The following GRAMD2A variants were observed in gnomAD, a reference collection of about 807,000 sequenced individuals.
GRAMD2A encodes the protein GRAM domain containing 2A.
GRAMD2A carries 37 observed loss-of-function variants against 51.1 expected under a neutral mutation model. The observed-to-expected ratio is 0.72, with a 90% CI of 0.56 to 0.95. The LOEUF (loss-of-function observed/expected upper bound fraction) is 0.95, where lower values mean the gene tolerates loss of function less well. Among genes scored for constraint, GRAMD2A ranks in the 40% least tolerant of loss-of-function variants. The pLI is 0.00. For synonymous variants in GRAMD2A, 136 were observed against 157.1 expected (o/e 0.87, Z 1.01); for missense variants, 414 against 426.9 (o/e 0.97, Z 0.27).
chr15:72,169,692 C>T (rs1377063988), intron 2 of GRAMD2A, 155 bp downstream of exon 2: 65 of 696,960 alleles, frequency 9.3e-5, no homozygotes, highest in South Asian at 4.0e-4. Context: ...TCTTGAGGGG[C>T]GGGAGGAAGA....
rs758961232 is a variant in GRAMD2A at position 72,169,826 on chromosome 15, G to T, written c.134+21C>A. On this transcript the variant is annotated intron_variant, in intron 2 of 11. Transcript: ENST00000309731. ...CACCCTCTAGTCTGTGTGTATCTAT[G>T]ACTGGGAAAGGGGTCCTCACCTGTA... is the stretch of plus-strand genomic sequence containing the variant. 15 of 1,586,510 alleles carry T rather than the reference G, an allele frequency of 9.5e-6. No individual in the cohort carries two copies. In the Admixed American group the frequency reaches 2.2e-4, roughly 23 times the overall value.
intron 1 of GRAMD2A, among the ~76,000 whole-genome samples, chr15:72,185,858 A>T (rs1205452425): frequency 1.3e-5 from 2 of 152,278 alleles, no homozygotes; most frequent in Non-Finnish European, 2.9e-5. Flanking sequence ...ATTCACAAAA[A>T]GATAACCCAG....
At chr15:72,171,267 T>C in intron 1 of GRAMD2A, among the ~76,000 whole-genome samples, 1 of 152,140 alleles carries the variant, frequency 6.6e-6, no homozygotes, top group African/African-American at 2.4e-5. Flanking sequence ...GGTTCCATCA[T>C]GTCACATTTC....
intron 1 of GRAMD2A, among the ~76,000 whole-genome samples, chr15:72,196,904 C>T (rs2081809037): frequency 6.6e-6 from 1 of 152,170 alleles, no homozygotes; most frequent in African/African-American, 2.4e-5. Context: ...CACATTCATC[C>T]TACCTGCCCC....
chr15:72,169,809 A>C, intron 2 of GRAMD2A, 38 bp downstream of exon 2: 1 of 1,514,684 alleles, frequency 6.6e-7, no homozygotes, highest in South Asian at 1.1e-5. Flanking sequence ...CCCACCCTCT[A>C]GTCTGTGTGT....
intron 3 of GRAMD2A, 110 bp downstream of exon 3, chr15:72,168,826 TCTC>T: frequency 1.1e-6 from 1 of 949,424 alleles, no homozygotes. Context: ...CACACTCAGG[TCTC>T]CTGATTTCCT....
At chr15:72,171,455 C>T (rs2081609497) in intron 1 of GRAMD2A, among the ~76,000 whole-genome samples, 1 of 152,176 alleles carries the variant, frequency 6.6e-6, no homozygotes, top group African/African-American at 2.4e-5. Flanking sequence ...ACTTCTGTGG[C>T]TTAACCTGAT....
At chr15:72,196,033 G>T (rs190648446) in intron 1 of GRAMD2A, among the ~76,000 whole-genome samples, 6 of 152,342 alleles carry the variant, frequency 3.9e-5, no homozygotes, top group African/African-American at 1.4e-4. Flanking sequence ...TTGGGAAGGA[G>T]AACTTCTATT....
At chr15:72,181,594 C>G (rs1461213352) in intron 1 of GRAMD2A, among the ~76,000 whole-genome samples, 1 of 152,044 alleles carries the variant, frequency 6.6e-6, no homozygotes. Flanking sequence ...ATATGTATTT[C>G]CAAATATAAT....
At chr15:72,169,791 G>A (rs915913808) in intron 2 of GRAMD2A, 56 bp downstream of exon 2, 38 of 1,437,380 alleles carry the variant, frequency 2.6e-5, no homozygotes, top group South Asian at 2.2e-4. Flanking sequence ...GTCACTTCCT[G>A]AGGGCTTCCC....
In GRAMD2A at chr15:72,197,740, T is replaced by C. The variant is rs1271940844; in HGVS notation, c.32A>G (p.Glu11Gly). Residue 11 changes from glutamate to glycine, a missense_variant, in exon 1 of 12, where the codon GAG becomes GGG. Coordinates refer to ENST00000309731, the MANE Select transcript of GRAMD2A (RefSeq NM_001012642.3). Reference sequence around the variant, plus strand: ...GGCCGCAACCCCTTACCCGCCCTCCTCGGTGGCCTCGCTCCGGCTTAAAGC... The same window carrying C: ...GGCCGCAACCCCTTACCCGCCCTCCCCGGTGGCCTCGCTCCGGCTTAAAGC... MTALSRSEAT[E>G]EGGNQQMHRK... is the part of the protein sequence containing the mutation. 2 of 1,329,114 alleles carry C rather than the reference T, an allele frequency of 1.5e-6. No individual in the cohort carries two copies. 82.3% of individuals were successfully genotyped at this position (1,329,114 alleles called of 1,614,324 possible).
chr15:72,175,197 C>T (rs2081644220), intron 1 of GRAMD2A, among the ~76,000 whole-genome samples: 1 of 152,110 alleles, frequency 6.6e-6, no homozygotes, highest in African/African-American at 2.4e-5. Flanking sequence ...CCCATAAAAC[C>T]ATCTCTTTTC....
chr15:72,169,999 G>T, intron 1 of GRAMD2A, 60 bp from the exon 2 acceptor site: 1 of 1,228,262 alleles, frequency 8.1e-7, no homozygotes, highest in Non-Finnish European at 1.2e-6. Context: ...TTCCCTAACA[G>T]CCCCACCATG....
chr15:72,163,357 C>A lies in GRAMD2A; in HGVS notation c.865G>T (p.Val289Phe). ...PNCSPTAKNAVYEEDELEEEP... is the reference protein window; with the variant it reads ...PNCSPTAKNAFYEEDELEEEP... ...TCCTCCAGCTCATCCTCCTCATAGA[C>A]AGCATTCTTTGCAGTGGGAGAGCAG... Residue 289 changes from valine to phenylalanine, a missense_variant, in exon 10 of 12, where the codon GTC (valine) becomes TTC (phenylalanine). By Grantham distance (50) the Val-to-Phe change is conservative. Coordinates refer to ENST00000309731, the MANE Select transcript of GRAMD2A (RefSeq NM_001012642.3). 6.2e-7 allele frequency: 1 copy of A among 1,614,152 alleles called. No individual in the cohort carries two copies. Among genetic ancestry groups the A allele is most frequent in the South Asian group, 1.1e-5 (1 of 91,086 alleles).
At chr15:72,182,343 C>G in intron 1 of GRAMD2A, among the ~76,000 whole-genome samples, 1 of 127,626 alleles carries the variant, frequency 7.8e-6, no homozygotes, top group South Asian at 2.4e-4. Flanking sequence ...CCAGCCTGGG[C>G]GACAGAGTGA....
chr15:72,197,649 G>T, intron 1 of GRAMD2A, 82 bp downstream of exon 1: 1 of 1,115,984 alleles, frequency 9.0e-7, no homozygotes, highest in Non-Finnish European at 1.1e-6. Flanking sequence ...GGCCCCAGGA[G>T]CCGTCCTGCC....
rs544856739 is a variant in GRAMD2A at position 72,174,873 on chromosome 15, G to A, written c.42-4934C>T. ...GGAGCCCAGATACACAGGAGTCTAG[G>A]GGCCTCGTGGTGCACCTGACACAGG... On this transcript the variant is annotated intron_variant, in intron 1 of 11. Coordinates refer to ENST00000309731, the MANE Select transcript of GRAMD2A (RefSeq NM_001012642.3). Among the ~76,000 whole-genome samples the A allele has an allele frequency of 1.2e-3, 187 of 152,090 alleles. 2 individuals are homozygous for A. Among genetic ancestry groups the A allele is most frequent in the Non-Finnish European group, 2.2e-3 (151 of 67,950 alleles).
chr15:72,164,278 C>T (rs12440204), intron 8 of GRAMD2A, among the ~76,000 whole-genome samples: 6,521 of 152,250 alleles, frequency 0.043, 250 homozygotes, highest in East Asian at 0.18. Context: ...CCATCCCTGC[C>T]CTAGAAACTC....
At chr15:72,181,437 G>A (rs565063551) in intron 1 of GRAMD2A, among the ~76,000 whole-genome samples, 4 of 152,310 alleles carry the variant, frequency 2.6e-5, no homozygotes, top group South Asian at 4.1e-4. Context: ...TGATACATAC[G>A]TGGGGATCCA....
Sources: allele counts gnomAD v4.1 joint callset (sites outside exome capture counted in the v4.1 genomes callset), GRCh38; gene constraint gnomAD v4.1.1; transcripts MANE v1.5; gene names NCBI Gene and HGNC (gene_info 2026-07-23, HGNC 2026-07-21).